MED23: variants seen among roughly 807,000 people sequenced by gnomAD.
The protein encoded by MED23 is mediator complex subunit 23.
In MED23, 105 loss-of-function variants were observed where a neutral mutation model predicts 163.9. That is an observed-to-expected ratio of 0.64 (90% CI 0.55 to 0.75). The LOEUF is 0.75. Ranked by LOEUF, MED23 falls within the 30% of genes least tolerant of loss-of-function variation. MED23 has a pLI of 0.00. For synonymous variants in MED23, 561 were observed against 565.6 expected (o/e 0.99, Z 0.12); for missense variants, 1,054 against 1,649.0 (o/e 0.64, Z 6.25).
Position 131,598,859 on chromosome 6 carries a change from T to C in MED23, c.2221-98A>G. On this transcript the variant is annotated intron_variant, in intron 18 of 28. Transcript: ENST00000368068. This position sits in a 1 kb window ranked among gnomAD's most constrained non-coding sequence, Gnocchi z 4.7. ...GTTCTAGACTTGATTCTGACACTAA[T>C]AAACTCTAGGTCACCTTGAGCAACT... is the stretch of plus-strand genomic sequence containing the variant. The C allele has an allele frequency of 2.6e-6, 3 of 1,169,590 alleles. No homozygotes were observed. The highest frequency in any genetic ancestry group is 1.9e-5 in the Admixed American group (1 of 53,276). 72.5% of individuals were successfully genotyped at this position (1,169,590 alleles called of 1,614,324 possible). A position where few individuals can be genotyped will look rare whatever the true frequency, so the allele number is the denominator to read the frequency against.
At position 131,620,651 on chromosome 6, in the gene MED23, G is replaced by A; in HGVS notation, c.574C>T (p.Pro192Ser). 1 of 1,612,046 alleles carries A rather than the reference G, an allele frequency of 6.2e-7. No homozygotes were observed. Among genetic ancestry groups the A allele is most frequent in the Middle Eastern group, 1.7e-4 (1 of 5,850 alleles). The change falls in exon 7 of 29, where the codon CCT becomes TCT. Residue 192 changes from proline (P) to serine (S), a missense_variant. By Grantham distance (74) the Pro-to-Ser change is moderately conservative. Around this residue, in one of 11 missense-constraint regions of MED23, gnomAD observed 227 missense variants for 235.5 expected, o/e 0.96. Transcript: ENST00000368068. ...ACCCAGTGTGGAAGTTTGCCTTCAG[G>A]ATACAGTTTCCTGATCTCAGTGACT... ...FAVTEIRKLYPEGKLPHWLLG... is the reference protein window; with the variant it reads ...FAVTEIRKLYSEGKLPHWLLG...
At chr6:131,578,007 T>A (rs1191041651) in intron 30 of MED23, among the ~76,000 whole-genome samples, 1 of 151,952 alleles carries the variant, frequency 6.6e-6, no homozygotes, top group Admixed American at 6.6e-5. Context: ...CATGTATGAT[T>A]CCACTGATAC....
At chr6:131,577,704 C>A (rs1358328273) in intron 30 of MED23, among the ~76,000 whole-genome samples, 1 of 151,778 alleles carries the variant, frequency 6.6e-6, no homozygotes, top group East Asian at 1.9e-4. Flanking sequence ...GAGTTCAAGA[C>A]CAGCCTGGGC....
chr6:131,610,314 T>C lies in MED23; in HGVS notation c.877-68A>G, dbSNP rs1374167739. The C allele has an allele frequency of 2.8e-6, 4 of 1,451,940 alleles. No individual in the cohort carries two copies. The Admixed American group carries it at 5.6e-5, about 20-fold the overall frequency. The allele number at this position is 1,451,940 out of a possible 1,614,324, so 89.9% of individuals were successfully genotyped here. ...GTTAGTTTCAGAAGTTACCAGTTAA[T>C]GGGCATTAATTGTAACAAGAGGCTG... On this transcript the variant is annotated intron_variant, in intron 10 of 28. Coordinates refer to ENST00000368068, the MANE Select transcript of MED23 (RefSeq NM_004830.4).
intron 21 of MED23, 92 bp from the exon 22 acceptor site, chr6:131,596,255 T>C: frequency 8.2e-7 from 1 of 1,218,564 alleles, no homozygotes; most frequent in Non-Finnish European, 1.2e-6. Flanking sequence ...TAGATTTTTT[T>C]TTGCAAGGAA....
intron 28 of MED23, among the ~76,000 whole-genome samples, chr6:131,588,740 G>A (rs1562367149): frequency 6.6e-6 from 1 of 152,010 alleles, no homozygotes; most frequent in Non-Finnish European, 1.5e-5. Context: ...CCTTTAAAAT[G>A]GCCCAGATTC....
In MED23 at chr6:131,594,320, T is replaced by C. The variant is rs757091018; in HGVS notation, c.3011A>G (p.Tyr1004Cys). 8.1e-6 allele frequency: 13 copies of C among 1,613,658 alleles called. No homozygotes were observed. In the African/African-American group the frequency reaches 1.5e-4, roughly 18 times the overall value. ...ATAATAGTGCAGAGTGTTATACAGA[T>C]AAGTCACTGGACGATCTGCCAAGAA... ...LYKFHDRPVT[Y>C]LYNTLHYYEM... The change falls in exon 23 of 29, where the codon TAT becomes TGT. Residue 1004 changes from tyrosine to cysteine, a missense_variant. Transcript: ENST00000368068.
chr6:131,607,783 A>T, intron 12 of MED23, 145 bp downstream of exon 12: 1 of 882,722 alleles, frequency 1.1e-6, no homozygotes, highest in Non-Finnish European at 1.8e-6. Context: ...CCTAGAATGT[A>T]GAGAAAGAGC....
chr6:131,602,137 A>G, intron 17 of MED23, 81 bp downstream of exon 17: 2 of 1,442,254 alleles, frequency 1.4e-6, no homozygotes, highest in East Asian at 2.3e-5. Context: ...TCTTTTTAGT[A>G]TGTTACAACT....
At chr6:131,596,800 T>TTAGAC in intron 20 of MED23, 112 bp from the exon 21 acceptor site, 4 of 1,043,170 alleles carry the variant, frequency 3.8e-6, no homozygotes, top group South Asian at 1.4e-5. Flanking sequence ...TATAATTTCC[T>TTAGAC]TAGACGTCTA....
At position 131,623,478 on chromosome 6, in the gene MED23, T is replaced by C. The variant is rs367981171; in HGVS notation, c.285-16A>G. 6.4e-5 allele frequency: 102 copies of C among 1,601,718 alleles called. No individual in the cohort carries two copies. The highest frequency in any genetic ancestry group is 3.2e-4 in the South Asian group (29 of 90,832). On this transcript the variant is annotated splice_polypyrimidine_tract_variant and intron_variant, in intron 4 of 28. Transcript: ENST00000368068. ...ACAAACCAGCCTATAAAAAAAGAAA[T>C]AGCCATTCCAGTTACAAGACAGAAT...
At chr6:131,615,361 G>A (rs576018927) in intron 10 of MED23, 2 of 1,609,974 alleles carry the variant, frequency 1.2e-6, no homozygotes, top group African/African-American at 1.3e-5. Context: ...TGGAGGATGG[G>A]CAGGACAAGA....
intron 16 of MED23, 89 bp downstream of exon 16, chr6:131,602,941 A>G: frequency 1.5e-6 from 2 of 1,334,826 alleles, no homozygotes; most frequent in Non-Finnish European, 2.1e-6. Flanking sequence ...AAAAAAAAAA[A>G]CTATAAGGTA....
downstream of MED23, chr6:131,584,341 C>T (rs1458576044): frequency 5.7e-6 from 1 of 175,044 alleles, no homozygotes; most frequent in Non-Finnish European, 1.2e-5. Flanking sequence ...TATATTGTGT[C>T]TACATATTTC....
chr6:131,575,301 C>A (rs535643401), intron 30 of MED23, among the ~76,000 whole-genome samples: 3 of 151,870 alleles, frequency 2.0e-5, no homozygotes, highest in Non-Finnish European at 4.4e-5. Flanking sequence ...AATATAGTGC[C>A]CCACATGTAA....
At chr6:131,583,122 T>C (rs993784608), downstream of MED23, 3 of 1,613,994 alleles carry the variant, frequency 1.9e-6, no homozygotes, top group Non-Finnish European at 2.5e-6. Context: ...AGACTAGGAA[T>C]TGGCAAGGTG....
chr6:131,601,645 C>T (rs1287157984), intron 17 of MED23, among the ~76,000 whole-genome samples: 3 of 152,168 alleles, frequency 2.0e-5, no homozygotes, highest in African/African-American at 7.2e-5. Flanking sequence ...CTTACTTCAA[C>T]TAAAACTTCA....
At chr6:131,621,419 TG>T (rs1360282398) in intron 6 of MED23, among the ~76,000 whole-genome samples, 5 of 152,058 alleles carry the variant, frequency 3.3e-5, no homozygotes, top group African/African-American at 1.2e-4. Context: ...ATGGATTTAT[TG>T]GGTTTCAACT....
At position 131,595,984 on chromosome 6, in the gene MED23, A is replaced by G; in HGVS notation, c.2958T>C (p.Thr986=). 6.2e-7 allele frequency: 1 copy of G among 1,614,090 alleles called. No individual in the cohort carries two copies. The highest frequency in any genetic ancestry group is 8.5e-7 in the Non-Finnish European group (1 of 1,179,958). The stretch of plus-strand genomic sequence containing the variant: ...ATAAGCCTCCTAGATGATCCAGTAG[A>G]GTCTCCAGTGATTTGGATACCGGAA... ...ELLPVSKSLE[T]LLDHLGGLYK... The change falls in exon 22 of 29, where the codon ACT becomes ACC. Residue 986 remains threonine (T), a synonymous_variant. Coordinates refer to ENST00000368068, the MANE Select transcript of MED23 (RefSeq NM_004830.4).
Sources: allele counts gnomAD v4.1 joint callset (sites outside exome capture counted in the v4.1 genomes callset), GRCh38; gene constraint gnomAD v4.1.1; regional missense constraint gnomAD v4.1.1; non-coding constraint Gnocchi (gnomAD v3.1); transcripts MANE v1.5; gene names NCBI Gene and HGNC (gene_info 2026-07-23, HGNC 2026-07-21).